Variants in ITGA1 observed in about 807,000 individuals in gnomAD.
ITGA1 encodes the protein integrin subunit alpha 1, also known as integrin alpha-1.
Under a neutral mutation model 145.9 loss-of-function variants are expected in ITGA1, and 85 were observed. The observed-to-expected ratio is 0.58, with a 90% CI of 0.49 to 0.70. The LOEUF (loss-of-function observed/expected upper bound fraction) is 0.70, where lower values mean the gene tolerates loss of function less well. Ranked by LOEUF, ITGA1 falls within the 30% of genes least tolerant of loss-of-function variation. The pLI is 0.00. For missense variants in ITGA1, 1,351 were observed against 1,418.7 expected (o/e 0.95, Z 0.77); for synonymous variants, 520 against 495.3 (o/e 1.05, Z -0.66).
At chr5:52,949,017 T>A (rs1751177544) in intron 28 of ITGA1, 1 of 152,152 alleles carries the variant, frequency 6.6e-6, no homozygotes, top group Non-Finnish European at 1.5e-5. Context: ...TAATGATGTG[T>A]TGATACATTC....
At chr5:52,802,709 A>G (rs1177504997) in intron 1 of ITGA1, 1 of 152,138 alleles carries the variant, frequency 6.6e-6, no homozygotes, top group Non-Finnish European at 1.5e-5. Flanking sequence ...TTGCTTGTCA[A>G]AGTTATACTT....
intron 12 of ITGA1, among the ~76,000 whole-genome samples, chr5:52,907,870 T>A (rs1750436019): frequency 6.6e-6 from 1 of 152,088 alleles, no homozygotes; most frequent in African/African-American, 2.4e-5. Context: ...ATTCAACTTT[T>A]AAAAAAACCT....
Position 52,788,012 on chromosome 5 carries a change from C to T in ITGA1, c.-342C>T. 3.6e-6 allele frequency: 1 copy of T among 280,094 alleles called. No individual in the cohort carries two copies. Among genetic ancestry groups the T allele is most frequent in the Non-Finnish European group, 6.7e-6 (1 of 150,034 alleles). 17.4% of individuals were successfully genotyped at this position (280,094 alleles called of 1,614,324 possible). On this transcript the variant is annotated 5_prime_UTR_variant, in exon 1 of 29. Coordinates refer to ENST00000282588, the MANE Select transcript of ITGA1 (RefSeq NM_181501.2). ...CCCTTTAAGGTTTGCTTCTACAGCC[C>T]GTGGACTTTAGCCTAAACACGGACC...
chr5:52,925,504 T>G lies in ITGA1; in HGVS notation c.2613+17T>G, dbSNP rs1158771395. On this transcript the variant is annotated intron_variant, in intron 19 of 28. Transcript: ENST00000282588. ...GGAATTGAGGTAAACTTCCAGTTTTTCATTTATTTGTTCTCTTAACATCAT... is the reference window on the plus strand; with the variant it reads ...GGAATTGAGGTAAACTTCCAGTTTTGCATTTATTTGTTCTCTTAACATCAT... The G allele has an allele frequency of 6.4e-7, 1 of 1,571,246 alleles. No homozygotes were observed. Among genetic ancestry groups the G allele is most frequent in the African/African-American group, 1.4e-5 (1 of 73,834 alleles).
chr5:52,791,764 GA>G (rs1304517137), intron 1 of ITGA1, among the ~76,000 whole-genome samples: 2 of 150,864 alleles, frequency 1.3e-5, no homozygotes, highest in Non-Finnish European at 2.9e-5. Context: ...GATTAGCCTT[GA>G]AAAAAAGAAA....
intron 27 of ITGA1, 70 bp downstream of exon 27, chr5:52,945,105 T>C (rs1751115231): frequency 5.1e-6 from 6 of 1,166,730 alleles, no homozygotes; most frequent in Admixed American, 3.4e-5. Context: ...TGTTTTATAA[T>C]TGTTGATAGT....
At chr5:52,808,300 A>G (rs1433089087) in intron 1 of ITGA1, among the ~76,000 whole-genome samples, 1 of 152,250 alleles carries the variant, frequency 6.6e-6, no homozygotes, top group Non-Finnish European at 1.5e-5. Flanking sequence ...ACTGTTCCAG[A>G]TAACCAGAGT....
At chr5:52,797,324 AT>A (rs1220308302) in intron 1 of ITGA1, among the ~76,000 whole-genome samples, 3 of 151,996 alleles carry the variant, frequency 2.0e-5, no homozygotes, top group African/African-American at 4.8e-5. Context: ...TTAAAAAAAA[AT>A]TTTTTTAACC....
intron 14 of ITGA1, 127 bp from the exon 15 acceptor site, chr5:52,915,337 C>A: frequency 2.1e-6 from 2 of 965,618 alleles, no homozygotes; most frequent in Non-Finnish European, 1.6e-6. Flanking sequence ...CATGAGGGAC[C>A]TCTTGGGCGG....
chr5:52,860,112 T>C (rs1264124606), intron 2 of ITGA1, among the ~76,000 whole-genome samples: 1 of 152,382 alleles, frequency 6.6e-6, no homozygotes, highest in South Asian at 2.1e-4. Flanking sequence ...TTTATGTTTA[T>C]TGTTCCAGAA....
rs896968568 is a variant in ITGA1, at chr5:52,955,273, A to T, written c.*2822A>T. On this transcript the variant is annotated 3_prime_UTR_variant, in exon 29 of 29. Coordinates refer to ENST00000282588, the MANE Select transcript of ITGA1 (RefSeq NM_181501.2). ...CTAATCAGCTTACAAAATTCCTGGA[A>T]ATGTATCTGCCACCTCTTACCAACC... The T allele has an allele frequency of 6.6e-6, 1 of 152,184 alleles. No individual in the cohort carries two copies. The highest frequency in any genetic ancestry group is 1.5e-5 in the Non-Finnish European group (1 of 68,020). 9.4% of individuals were successfully genotyped at this position (152,184 alleles called of 1,614,324 possible). A position where few individuals can be genotyped will look rare whatever the true frequency, so the allele number is the denominator to read the frequency against.
chr5:52,898,906 T>A (rs183082013), intron 11 of ITGA1, among the ~76,000 whole-genome samples: 1 of 152,278 alleles, frequency 6.6e-6, no homozygotes, highest in Admixed American at 6.5e-5. Context: ...CCCAGTGATA[T>A]AACATGATCT....
At chr5:52,800,904 A>G in intron 1 of ITGA1, 1 of 1,613,890 alleles carries the variant, frequency 6.2e-7, no homozygotes, top group Non-Finnish European at 8.5e-7. Flanking sequence ...TCCCTAGGAA[A>G]AGGAAAGGCA....
At chr5:52,822,530 T>C (rs768187183) in intron 1 of ITGA1, among the ~76,000 whole-genome samples, 4 of 152,186 alleles carry the variant, frequency 2.6e-5, no homozygotes, top group Non-Finnish European at 4.4e-5. Flanking sequence ...AGGCTGAGTA[T>C]CCGGACTGCT....
At chr5:52,940,586 T>C (rs1306056355) in intron 26 of ITGA1, among the ~76,000 whole-genome samples, 1 of 151,976 alleles carries the variant, frequency 6.6e-6, no homozygotes, top group Non-Finnish European at 1.5e-5. Flanking sequence ...TTTTTTTTTG[T>C]ATTTTAGTAG....
intron 26 of ITGA1, among the ~76,000 whole-genome samples, chr5:52,942,291 A>C (rs759043229): frequency 6.6e-6 from 1 of 152,188 alleles, no homozygotes; most frequent in Non-Finnish European, 1.5e-5. Flanking sequence ...ATTTTAGAAT[A>C]GTTTTTTCTA....
chr5:52,891,044 G>C (rs6885610), intron 8 of ITGA1, among the ~76,000 whole-genome samples: 71,375 of 151,838 alleles, frequency 0.47, 17,182 homozygotes, highest in East Asian at 0.58. Context: ...CATGTTGCTG[G>C]AAATGACAAA....
intron 1 of ITGA1, among the ~76,000 whole-genome samples, chr5:52,814,737 AAGG>A (rs1748738109): frequency 6.6e-6 from 1 of 152,132 alleles, no homozygotes; most frequent in Non-Finnish European, 1.5e-5. Flanking sequence ...ATTAAAAAAA[AAGG>A]GGGGGAAAGA....
At chr5:52,853,030 A>T (rs976880665) in intron 2 of ITGA1, among the ~76,000 whole-genome samples, 3 of 152,206 alleles carry the variant, frequency 2.0e-5, no homozygotes, top group Non-Finnish European at 4.4e-5. Flanking sequence ...TCTTTGTGGT[A>T]GGTACCAGAC....
Sources: allele counts gnomAD v4.1 joint callset (sites outside exome capture counted in the v4.1 genomes callset), GRCh38; gene constraint gnomAD v4.1.1; transcripts MANE v1.5; gene names NCBI Gene and HGNC (gene_info 2026-07-23, HGNC 2026-07-21).